COL19A1: variants seen among roughly 807,000 people sequenced by gnomAD.
The protein encoded by COL19A1 is collagen alpha-1(XIX) chain.
In COL19A1, 159 loss-of-function variants were observed where a neutral mutation model predicts 190.2. That is an observed-to-expected ratio of 0.84 (90% CI 0.73 to 0.95). The LOEUF is 0.95. COL19A1 is among the 40% of genes least tolerant of loss of function. COL19A1 has a pLI of 0.00. For missense variants in COL19A1, 1,418 were observed against 1,431.9 expected, an observed-to-expected ratio of 0.99 and a Z score of 0.16; for synonymous variants, 509 against 458.9, an observed-to-expected ratio of 1.11 and a Z score of -1.39.
intron 4 of COL19A1, among the ~76,000 whole-genome samples, chr6:69,905,192 G>A (rs997594033): frequency 3.3e-5 from 5 of 152,184 alleles, no homozygotes; most frequent in African/African-American, 1.2e-4. Context: ...CAGATGTTAT[G>A]CTGGGGTCAG....
intron 31 of COL19A1, among the ~76,000 whole-genome samples, chr6:70,151,827 C>G (rs368480422): frequency 1.3e-5 from 2 of 152,070 alleles, no homozygotes; most frequent in Non-Finnish European, 2.9e-5. Context: ...TAATCTTTCT[C>G]GCTATATCTG....
rs370158890 is a variant in COL19A1, at chr6:70,144,912, C to G, written c.1681-6C>G. ...CAAAGTAAGAATCTTACCTTGTTTTCTACAGGGAGATCCGGGTGGGATCAT... is the reference window on the plus strand; with the variant it reads ...CAAAGTAAGAATCTTACCTTGTTTTGTACAGGGAGATCCGGGTGGGATCAT... On this transcript the variant is annotated splice_polypyrimidine_tract_variant and splice_region_variant and intron_variant, in intron 24 of 50. Transcript: ENST00000620364. The G allele has an allele frequency of 1.4e-5, 22 of 1,553,326 alleles. No individual in the cohort carries two copies. Among genetic ancestry groups the G allele is most frequent in the Non-Finnish European group, 1.8e-5 (20 of 1,142,050 alleles).
intron 9 of COL19A1, among the ~76,000 whole-genome samples, chr6:69,944,264 G>A (rs1256847703): frequency 6.6e-6 from 1 of 152,096 alleles, no homozygotes; most frequent in African/African-American, 2.4e-5. Flanking sequence ...ACTGCCACCT[G>A]ACACATTGTC....
At chr6:70,158,062 C>T (rs780708892) in intron 34 of COL19A1, among the ~76,000 whole-genome samples, 2 of 152,074 alleles carry the variant, frequency 1.3e-5, no homozygotes, top group African/African-American at 2.4e-5. Context: ...ACACAATTCT[C>T]ATTACATGGG....
intron 46 of COL19A1, among the ~76,000 whole-genome samples, chr6:70,185,467 G>A (rs1016013147): frequency 1.8e-4 from 28 of 152,186 alleles, no homozygotes; most frequent in Non-Finnish European, 3.8e-4. Flanking sequence ...ACTAAGTAGA[G>A]TAAAGAAGGT....
chr6:70,161,508 G>A (rs762897014), intron 34 of COL19A1, among the ~76,000 whole-genome samples: 1 of 152,064 alleles, frequency 6.6e-6, no homozygotes, highest in Non-Finnish European at 1.5e-5. Context: ...ACTTATAAGT[G>A]AGGGCTAAGC....
intron 23 of COL19A1, 25 bp downstream of exon 23, chr6:70,142,845 C>T (rs1439302390): frequency 3.1e-6 from 5 of 1,597,632 alleles, no homozygotes. Context: ...TTTGATATTT[C>T]TGGAATTGAA....
chr6:70,049,318 T>C (rs114114013), intron 14 of COL19A1, among the ~76,000 whole-genome samples: 4,084 of 152,036 alleles, frequency 0.027, 191 homozygotes, highest in African/African-American at 0.089. Flanking sequence ...TTTTTTTTAT[T>C]TGTGGGCAAA....
At chr6:69,966,795 AG>A (rs1443980218) in intron 11 of COL19A1, among the ~76,000 whole-genome samples, 2 of 151,802 alleles carry the variant, frequency 1.3e-5, no homozygotes, top group East Asian at 3.9e-4. Flanking sequence ...AAAAAAAAAA[AG>A]AAAAAGGCCA....
At chr6:69,885,565 C>T (rs1582280686) in intron 2 of COL19A1, among the ~76,000 whole-genome samples, 1 of 152,096 alleles carries the variant, frequency 6.6e-6, no homozygotes, top group African/African-American at 2.4e-5. Flanking sequence ...TTGCACATTC[C>T]ATCTCTAGAT....
Position 70,156,638 on chromosome 6 carries a change from G to A in COL19A1, c.2239-32G>A, listed in dbSNP as rs1174428412. On this transcript the variant is annotated intron_variant, in intron 33 of 50. Coordinates refer to ENST00000620364, the MANE Select transcript of COL19A1 (RefSeq NM_001858.6). ...TTTCCAAAAGATAAGAAAAATGATTGCATGTGCTAGCTGAATGTATTGTCT... is the reference window on the plus strand; with the variant it reads ...TTTCCAAAAGATAAGAAAAATGATTACATGTGCTAGCTGAATGTATTGTCT... 3 of 1,605,640 alleles carry A rather than the reference G, an allele frequency of 1.9e-6. No individual in the cohort carries two copies. The South Asian group carries it at 3.3e-5, about 18-fold the overall frequency.
intron 5 of COL19A1, 25 bp downstream of exon 5, chr6:69,928,057 C>A: frequency 1.2e-6 from 2 of 1,601,140 alleles, no homozygotes; most frequent in South Asian, 2.2e-5. Flanking sequence ...GAGTTGTGCT[C>A]ATTAGTTTTC....
At chr6:70,093,460 G>T (rs182257086) in intron 15 of COL19A1, among the ~76,000 whole-genome samples, 35 of 152,204 alleles carry the variant, frequency 2.3e-4, no homozygotes, top group African/African-American at 8.2e-4. Flanking sequence ...TAGAGAGTTG[G>T]TGGTGTGGCA....
At chr6:70,154,652 G>A (rs1001787711) in intron 31 of COL19A1, among the ~76,000 whole-genome samples, 1 of 152,164 alleles carries the variant, frequency 6.6e-6, no homozygotes, top group Admixed American at 6.6e-5. Flanking sequence ...GCAAGTCGAA[G>A]AGCAAGGAAG....
rs915388285 is a variant in COL19A1, at chr6:70,163,290, C to T, written c.2347-53C>T. ...GTTTTAGTAACCAACTTCCAATACC[C>T]TTTGGCCATTTAATTGTTGTTTCTG... is the stretch of plus-strand genomic sequence containing the variant. On this transcript the variant is annotated intron_variant, in intron 35 of 50. Coordinates refer to ENST00000620364, the MANE Select transcript of COL19A1 (RefSeq NM_001858.6). 9 of 1,539,772 alleles carry T rather than the reference C, an allele frequency of 5.8e-6. No individual in the cohort carries two copies. The Admixed American group carries it at 1.5e-4, about 26-fold the overall frequency.
intron 16 of COL19A1, among the ~76,000 whole-genome samples, chr6:70,119,346 G>A (rs986601530): frequency 2.6e-5 from 4 of 152,118 alleles, no homozygotes; most frequent in African/African-American, 4.8e-5. Context: ...TCAACTACAC[G>A]GTATGACTAC....
At chr6:70,188,734 C>A (rs1166453725) in intron 47 of COL19A1, among the ~76,000 whole-genome samples, 1 of 152,108 alleles carries the variant, frequency 6.6e-6, no homozygotes, top group Non-Finnish European at 1.5e-5. Flanking sequence ...AAGTAGAAAC[C>A]ACTTAGGCCA....
chr6:70,131,404 T>C (rs147754419), intron 18 of COL19A1, among the ~76,000 whole-genome samples: 28 of 152,300 alleles, frequency 1.8e-4, no homozygotes, highest in African/African-American at 6.5e-4. Context: ...TGCTAAAAGA[T>C]AGTCTCACCA....
chr6:69,915,500 T>G (rs1401856641), intron 4 of COL19A1, among the ~76,000 whole-genome samples: 2 of 152,222 alleles, frequency 1.3e-5, no homozygotes, highest in African/African-American at 4.8e-5. Flanking sequence ...GCTCATTATT[T>G]GTTCAGTTGA....
Sources: gnomAD v4.1 joint callset for allele counts (sites outside exome capture counted in the v4.1 genomes callset) on GRCh38, gnomAD v4.1.1 for gene constraint, MANE v1.5 for transcripts, NCBI Gene and HGNC (gene_info 2026-07-23, HGNC 2026-07-21) for gene names.